Variants in KSR2 observed in about 807,000 individuals in gnomAD.
KSR2 encodes the protein kinase suppressor of ras 2.
In KSR2, 25 loss-of-function variants were observed where a neutral mutation model predicts 107.8. The ratio of observed to expected loss-of-function variants is 0.23; its 90% CI spans 0.17 to 0.32. The LOEUF (loss-of-function observed/expected upper bound fraction) is 0.32. Among genes scored for constraint, KSR2 ranks in the 10% least tolerant of loss-of-function variants. The pLI, the probability that KSR2 is intolerant of heterozygous loss-of-function variation, is 1.00. For synonymous variants in KSR2, 480 were observed against 507.0 expected (o/e 0.95, Z 0.71); for missense variants, 887 against 1,268.9 (o/e 0.70, Z 4.57).
intron 4 of KSR2, among the ~76,000 whole-genome samples, chr12:117,690,672 T>C (rs1288328056): frequency 1.3e-5 from 2 of 152,222 alleles, no homozygotes; most frequent in Non-Finnish European, 2.9e-5. Context: ...GTCATGAGCA[T>C]GTGTAAAGCA....
At chr12:117,889,173 G>A (rs1035250792) in intron 1 of KSR2, among the ~76,000 whole-genome samples, 7 of 152,072 alleles carry the variant, frequency 4.6e-5, no homozygotes, top group East Asian at 1.9e-4. Context: ...TGCCCCTTCC[G>A]CAGCTCAGAT....
intron 7 of KSR2, among the ~76,000 whole-genome samples, chr12:117,571,968 G>A (rs1030165245): frequency 6.6e-6 from 1 of 152,112 alleles, no homozygotes; most frequent in South Asian, 2.1e-4. Context: ...ACTGAGCAAC[G>A]CCTCCCACCC....
At chr12:117,612,191 G>A (rs1252942723) in intron 5 of KSR2, among the ~76,000 whole-genome samples, 1 of 152,114 alleles carries the variant, frequency 6.6e-6, no homozygotes, top group South Asian at 2.1e-4. Context: ...GGATCATGAG[G>A]TCAGGAGATC....
At chr12:117,833,567 T>G (rs2137122710) in intron 3 of KSR2, among the ~76,000 whole-genome samples, 1 of 152,282 alleles carries the variant, frequency 6.6e-6, no homozygotes, top group East Asian at 1.9e-4. Flanking sequence ...CTTGCTATGT[T>G]GCCCAGGCTA....
In KSR2 at chr12:117,539,804, G is replaced by A. The variant is rs1007507863; in HGVS notation, c.1602C>T (p.Pro534=). The A allele has an allele frequency of 3.1e-6, 5 of 1,608,376 alleles. No homozygotes were observed. Among genetic ancestry groups the A allele is most frequent in the African/African-American group, 1.3e-5 (1 of 74,518 alleles). ...GCGGCGTGGCACTAGGAGGGAGGGG[G>A]GGTGCTGGCGAGGAGGGCGTGGAGG... ...TTSSTPSSPA[P]PLPPSATPPS... The change falls in exon 10 of 20, where the codon CCC becomes CCT. Residue 534 remains proline, a synonymous_variant. Coordinates refer to ENST00000339824, the MANE Select transcript of KSR2 (RefSeq NM_173598.6).
intron 10 of KSR2, among the ~76,000 whole-genome samples, chr12:117,535,045 G>A (rs563093586): frequency 6.6e-6 from 1 of 152,254 alleles, no homozygotes; most frequent in South Asian, 2.1e-4. Flanking sequence ...AAAGTATGTG[G>A]TCATTTGTTA....
At chr12:117,899,550 T>C (rs1894621954) in intron 1 of KSR2, among the ~76,000 whole-genome samples, 1 of 152,098 alleles carries the variant, frequency 6.6e-6, no homozygotes. Context: ...AGTTAAATAG[T>C]TTTGCCAAAG....
chr12:117,607,134 T>A (rs1881320401), intron 5 of KSR2, among the ~76,000 whole-genome samples: 1 of 152,184 alleles, frequency 6.6e-6, no homozygotes, highest in African/African-American at 2.4e-5. Context: ...GCAAGGGACG[T>A]GTCTGGTTCA....
intron 5 of KSR2, among the ~76,000 whole-genome samples, chr12:117,597,219 A>G (rs190543675): frequency 1.5e-4 from 23 of 152,354 alleles, no homozygotes; most frequent in Admixed American, 1.4e-3. Context: ...TCACTGTGGT[A>G]GACTGAATAA....
intron 1 of KSR2, among the ~76,000 whole-genome samples, chr12:117,880,467 C>T (rs935823435): frequency 2.6e-5 from 4 of 152,050 alleles, no homozygotes; most frequent in African/African-American, 4.8e-5. Flanking sequence ...CAAGCCCCCC[C>T]ACCAAAGAGA....
chr12:117,714,078 C>G (rs895213646), intron 4 of KSR2, among the ~76,000 whole-genome samples: 2 of 152,094 alleles, frequency 1.3e-5, no homozygotes, highest in South Asian at 2.1e-4. Context: ...AGGGGGGGAG[C>G]AGCAGCTCTT....
chr12:117,786,590 C>T (rs943277949), intron 3 of KSR2, among the ~76,000 whole-genome samples: 1 of 152,050 alleles, frequency 6.6e-6, no homozygotes, highest in Non-Finnish European at 1.5e-5. Flanking sequence ...CCGAGGCAGG[C>T]AGATCCCCTG....
chr12:117,467,228 A>G (rs1871191904), intron 19 of KSR2, 23 bp from the exon 20 acceptor site: 1 of 728,626 alleles, frequency 1.4e-6, no homozygotes, highest in Admixed American at 2.0e-5. Context: ...GAGAAGGGAG[A>G]GAGTGGTGAG....
chr12:117,512,526 C>T (rs1244659449), intron 14 of KSR2, among the ~76,000 whole-genome samples: 1 of 152,142 alleles, frequency 6.6e-6, no homozygotes, highest in Non-Finnish European at 1.5e-5. Context: ...ATGAGAAACT[C>T]TGGGGGTAGG....
At chr12:117,641,688 G>A (rs1299173709) in intron 5 of KSR2, among the ~76,000 whole-genome samples, 1 of 152,128 alleles carries the variant, frequency 6.6e-6, no homozygotes, top group Admixed American at 6.5e-5. Flanking sequence ...GGTATTGGGG[G>A]TTAGGACTTC....
At chr12:117,906,532 G>A (rs1276273484) in intron 1 of KSR2, among the ~76,000 whole-genome samples, 3 of 151,948 alleles carry the variant, frequency 2.0e-5, no homozygotes, top group African/African-American at 7.3e-5. Context: ...CTTGAACTTG[G>A]GAGGCGGAGG....
intron 3 of KSR2, among the ~76,000 whole-genome samples, chr12:117,775,805 A>G (rs1437234147): frequency 6.6e-6 from 1 of 152,216 alleles, no homozygotes; most frequent in Admixed American, 6.5e-5. Context: ...ATGGGATTGG[A>G]GACTATTATT....
intron 3 of KSR2, among the ~76,000 whole-genome samples, chr12:117,772,227 C>G (rs1889499372): frequency 7.7e-6 from 1 of 129,078 alleles, no homozygotes; most frequent in South Asian, 2.7e-4. Flanking sequence ...ACACACCATT[C>G]CCCCAGACGC....
At chr12:117,507,212 G>A (rs189306367) in intron 14 of KSR2, among the ~76,000 whole-genome samples, 86 of 152,316 alleles carry the variant, frequency 5.6e-4, no homozygotes, top group African/African-American at 2.0e-3. Flanking sequence ...ACAGCAGGAA[G>A]CTGAGGATCA....
Sources: allele counts gnomAD v4.1 joint callset (sites outside exome capture counted in the v4.1 genomes callset), GRCh38; gene constraint gnomAD v4.1.1; transcripts MANE v1.5; gene names NCBI Gene and HGNC (gene_info 2026-07-23, HGNC 2026-07-21).